Variants in GPR158 observed in about 807,000 individuals in gnomAD.
GPR158 encodes the protein G protein-coupled receptor 158, also known as metabotropic glycine receptor.
In GPR158, 30 loss-of-function variants were observed where a neutral mutation model predicts 78.2. That is an observed-to-expected ratio of 0.38 (90% confidence interval 0.29 to 0.52). The LOEUF (loss-of-function observed/expected upper bound fraction) is 0.52, where lower values mean the gene tolerates loss of function less well. GPR158 is among the 20% of genes least tolerant of loss of function. The pLI is 0.83. For synonymous variants in GPR158, 581 were observed against 591.1 expected (o/e 0.98, Z 0.25); for missense variants, 1,463 against 1,523.5 (o/e 0.96, Z 0.66).
At chr10:25,365,170 G>A (rs146031852) in intron 2 of GPR158, among the ~76,000 whole-genome samples, 4,914 of 151,702 alleles carry the variant, frequency 0.032, 133 homozygotes, top group Non-Finnish European at 0.048. Context: ...AAGATAAATT[G>A]TTAAAAATTT....
chr10:25,493,562 C>T (rs975113837), intron 5 of GPR158, among the ~76,000 whole-genome samples: 1 of 152,118 alleles, frequency 6.6e-6, no homozygotes, highest in East Asian at 1.9e-4. Context: ...CCCCATTACT[C>T]AGGAAACTCC....
At chr10:25,440,380 G>A (rs1015638889) in intron 4 of GPR158, among the ~76,000 whole-genome samples, 3 of 152,112 alleles carry the variant, frequency 2.0e-5, no homozygotes, top group Admixed American at 6.6e-5. Context: ...AGAGAAAAAA[G>A]GCCACTCAAC....
At chr10:25,443,948 TC>T (rs902484626) in intron 4 of GPR158, among the ~76,000 whole-genome samples, 1 of 152,068 alleles carries the variant, frequency 6.6e-6, no homozygotes, top group Non-Finnish European at 1.5e-5. Context: ...TTGGGTATGT[TC>T]CCTGTAGCGT....
chr10:25,422,536 G>A (rs959079356), intron 4 of GPR158, among the ~76,000 whole-genome samples: 2 of 151,576 alleles, frequency 1.3e-5, no homozygotes, highest in Non-Finnish European at 2.9e-5. Context: ...CAAAATGGTT[G>A]GAAACTGCTG....
intron 5 of GPR158, among the ~76,000 whole-genome samples, chr10:25,502,182 C>A (rs1006166330): frequency 6.6e-6 from 1 of 152,134 alleles, no homozygotes; most frequent in Non-Finnish European, 1.5e-5. Context: ...TAAGCTTCCC[C>A]TGAGACAGAG....
chr10:25,435,964 T>C (rs926047240), intron 4 of GPR158, among the ~76,000 whole-genome samples: 2 of 152,034 alleles, frequency 1.3e-5, no homozygotes, highest in Non-Finnish European at 2.9e-5. Flanking sequence ...TAGAAATCCA[T>C]ATTGATTCCT....
chr10:25,232,309 T>G (rs907194014), intron 2 of GPR158, among the ~76,000 whole-genome samples: 1 of 152,164 alleles, frequency 6.6e-6, no homozygotes, highest in African/African-American at 2.4e-5. Flanking sequence ...AAAATCCCAT[T>G]ATGACAGCAA....
intron 2 of GPR158, among the ~76,000 whole-genome samples, chr10:25,257,578 A>C (rs914278440): frequency 6.6e-6 from 1 of 152,234 alleles, no homozygotes; most frequent in Non-Finnish European, 1.5e-5. Flanking sequence ...CATCAGAAGA[A>C]ATAAAGTATA....
intron 5 of GPR158, among the ~76,000 whole-genome samples, chr10:25,514,062 T>C (rs769619419): frequency 1.1e-4 from 16 of 152,134 alleles, no homozygotes; most frequent in Non-Finnish European, 1.5e-5. Flanking sequence ...TTTAAATCCA[T>C]TGTTTCTTTG....
At chr10:25,465,938 G>C (rs553144965) in intron 4 of GPR158, among the ~76,000 whole-genome samples, 46 of 152,276 alleles carry the variant, frequency 3.0e-4, no homozygotes, top group South Asian at 2.7e-3. Flanking sequence ...TTTCCCCTAA[G>C]CCAAAATAGC....
intron 2 of GPR158, among the ~76,000 whole-genome samples, chr10:25,255,743 C>G (rs1025850420): frequency 6.6e-6 from 1 of 152,192 alleles, no homozygotes; most frequent in Non-Finnish European, 1.5e-5. Flanking sequence ...ATATCTTTCT[C>G]TTTTGAATAA....
intron 4 of GPR158, among the ~76,000 whole-genome samples, chr10:25,414,271 T>G (rs542237262): frequency 6.6e-6 from 1 of 152,302 alleles, no homozygotes; most frequent in South Asian, 2.1e-4. Context: ...TATTAAACCT[T>G]GCTAATTTCC....
intron 5 of GPR158, among the ~76,000 whole-genome samples, chr10:25,525,327 G>C (rs1394846601): frequency 6.6e-6 from 1 of 152,124 alleles, no homozygotes. Context: ...ACTTACACAT[G>C]AATCTTCGTA....
intron 3 of GPR158, among the ~76,000 whole-genome samples, chr10:25,410,223 T>C (rs11014530): frequency 0.12 from 18,470 of 152,198 alleles, 1,161 homozygotes; most frequent in East Asian, 0.17. Flanking sequence ...TTCTCTGTTT[T>C]GGAGGAATAT....
At chr10:25,270,883 G>T (rs1039323121) in intron 2 of GPR158, among the ~76,000 whole-genome samples, 2 of 152,122 alleles carry the variant, frequency 1.3e-5, no homozygotes, top group African/African-American at 4.8e-5. Context: ...AGAGACTTAA[G>T]AGACTGAAAT....
chr10:25,395,593 A>G (rs1282216397), intron 2 of GPR158, among the ~76,000 whole-genome samples: 3 of 152,174 alleles, frequency 2.0e-5, no homozygotes, highest in Admixed American at 6.6e-5. Context: ...CTTTGGAACA[A>G]TTTCTTAAAG....
At chr10:25,484,285 ATCT>A (rs1197365781) in intron 5 of GPR158, among the ~76,000 whole-genome samples, 1 of 152,128 alleles carries the variant, frequency 6.6e-6, no homozygotes, top group Non-Finnish European at 1.5e-5. Context: ...TCACATTCTC[ATCT>A]TCTTTAAATC....
chr10:25,336,146 GGTGA>G (rs1281914827), intron 2 of GPR158, among the ~76,000 whole-genome samples: 1 of 151,910 alleles, frequency 6.6e-6, no homozygotes, highest in Non-Finnish European at 1.5e-5. Context: ...TACTTAAACT[GGTGA>G]GTATTTTATA....
At chr10:25,273,232 C>G (rs889185473) in intron 2 of GPR158, among the ~76,000 whole-genome samples, 4 of 152,094 alleles carry the variant, frequency 2.6e-5, no homozygotes, top group African/African-American at 4.8e-5. Flanking sequence ...AACTGGCAAC[C>G]TCATTGTCAA....
Sources: gnomAD v4.1 joint callset for allele counts (sites outside exome capture counted in the v4.1 genomes callset) on GRCh38, gnomAD v4.1.1 for gene constraint, MANE v1.5 for transcripts, NCBI Gene and HGNC (gene_info 2026-07-23, HGNC 2026-07-21) for gene names.